The following NDC1 variants were observed in gnomAD, a reference collection of about 807,000 sequenced individuals.
The protein encoded by NDC1 is NDC1 transmembrane nucleoporin.
In NDC1, 24 loss-of-function variants were observed where a neutral mutation model predicts 89.8. That is an observed-to-expected ratio of 0.27 (90% CI 0.19 to 0.38). The LOEUF (loss-of-function observed/expected upper bound fraction) is 0.38, where lower values mean the gene tolerates loss of function less well. NDC1 is among the 10% of genes least tolerant of loss of function. NDC1 has a pLI of 1.00. For synonymous variants in NDC1, 296 were observed against 284.8 expected (o/e 1.04, Z -0.39); for missense variants, 728 against 797.6 (o/e 0.91, Z 1.05).
intron 6 of NDC1, among the ~76,000 whole-genome samples, chr1:53,811,883 C>T (rs564714040): frequency 2.6e-5 from 4 of 152,250 alleles, no homozygotes; most frequent in South Asian, 2.1e-4. Flanking sequence ...CACTGGAACA[C>T]GCACTGGTAT....
chr1:53,815,885 T>C (rs12069945), intron 6 of NDC1, among the ~76,000 whole-genome samples: 9,570 of 152,124 alleles, frequency 0.063, 893 homozygotes, highest in African/African-American at 0.2. Flanking sequence ...CTTAAGAGTA[T>C]ACCTAACCAA....
At chr1:53,786,863 A>ATTTTTTTTTTTTT (rs1647323009) in intron 16 of NDC1, among the ~76,000 whole-genome samples, 1 of 151,876 alleles carries the variant, frequency 6.6e-6, no homozygotes, top group Non-Finnish European at 1.5e-5. Context: ...TGGCCAGCTA[A>ATTTTTTTTTTTTT]TTTTTTATTT....
At chr1:53,803,349 G>A (rs1048621978) in intron 10 of NDC1, among the ~76,000 whole-genome samples, 47 of 152,092 alleles carry the variant, frequency 3.1e-4, no homozygotes, top group African/African-American at 1.1e-3. Context: ...TTACAGGGGT[G>A]AGCCACCACG....
chr1:53,800,546 CG>C, intron 11 of NDC1, 146 bp downstream of exon 11: 1 of 727,462 alleles, frequency 1.4e-6, no homozygotes, highest in East Asian at 2.7e-5. Flanking sequence ...AGGATGGTCT[CG>C]ATCTCTTGAC....
chr1:53,774,819 A>G (rs1472197451), intron 16 of NDC1, among the ~76,000 whole-genome samples: 1 of 152,160 alleles, frequency 6.6e-6, no homozygotes, highest in Non-Finnish European at 1.5e-5. Context: ...TGAGCCCAAG[A>G]GTTCAAGGTT....
intron 13 of NDC1, among the ~76,000 whole-genome samples, chr1:53,795,619 A>G (rs1039634928): frequency 1.3e-5 from 2 of 152,178 alleles, no homozygotes; most frequent in African/African-American, 2.4e-5. Flanking sequence ...CAACCAAACC[A>G]TAAGCTAATC....
intron 5 of NDC1, among the ~76,000 whole-genome samples, 181 bp from the exon 6 acceptor site, chr1:53,819,260 TTA>T (rs1648579260): frequency 6.6e-6 from 1 of 152,150 alleles, no homozygotes; most frequent in East Asian, 1.9e-4. Flanking sequence ...AAATTAATAT[TTA>T]TATTATTCAA....
At chr1:53,793,820 G>A (rs1647604224) in intron 13 of NDC1, among the ~76,000 whole-genome samples, 1 of 151,820 alleles carries the variant, frequency 6.6e-6, no homozygotes, top group Admixed American at 6.6e-5. Flanking sequence ...CAAACTCCTG[G>A]ACTCAAGCAA....
intron 4 of NDC1, among the ~76,000 whole-genome samples, chr1:53,826,419 T>A (rs946042312): frequency 6.6e-6 from 1 of 152,064 alleles, no homozygotes; most frequent in African/African-American, 2.4e-5. Context: ...CCGATACCGA[T>A]TTTTTTTCCT....
chr1:53,801,736 G>A (rs888945690), intron 10 of NDC1, among the ~76,000 whole-genome samples: 4 of 152,076 alleles, frequency 2.6e-5, no homozygotes, highest in Admixed American at 1.3e-4. Context: ...GGTACATGAG[G>A]AACTGTGTAA....
At chr1:53,814,072 G>T (rs898093053) in intron 6 of NDC1, among the ~76,000 whole-genome samples, 20 of 152,136 alleles carry the variant, frequency 1.3e-4, no homozygotes, top group African/African-American at 4.6e-4. Context: ...AAAATTTTTT[G>T]GCTGGGCGCA....
At position 53,772,442 on chromosome 1, in the gene NDC1, G is replaced by A. The variant is rs758542055; in HGVS notation, c.1848C>T (p.Pro616=). The A allele has an allele frequency of 1.2e-6, 2 of 1,613,328 alleles. No individual in the cohort carries two copies. Among genetic ancestry groups the A allele is most frequent in the Non-Finnish European group, 1.7e-6 (2 of 1,179,580 alleles). The change falls in exon 17 of 18, where the codon CCC becomes CCT. Residue 616 remains proline (P), a synonymous_variant. Coordinates refer to ENST00000371429, the MANE Select transcript of NDC1 (RefSeq NM_018087.5). ...FKLPHASSKP[P]RISGSLVDTS... is the part of the protein sequence containing the mutation. Reference sequence around the variant, plus strand: ...TGTCCACAAGGCTTCCTGAAATCCGGGGTGGTTTACTGGAAGCATGAGGAA... The same window carrying A: ...TGTCCACAAGGCTTCCTGAAATCCGAGGTGGTTTACTGGAAGCATGAGGAA...
In NDC1 at chr1:53,833,233, G is replaced by C. The variant is rs192137590; in HGVS notation, c.179-642C>G. The stretch of plus-strand genomic sequence containing the variant: ...GCTGGAGTGTAGTGGCTCAATCTTG[G>C]CTCACTGCAATCCGCCTCCTGGGTT... On this transcript the variant is annotated intron_variant, in intron 2 of 17. Transcript: ENST00000371429. Among the ~76,000 whole-genome samples, 8 of 152,042 alleles carry C rather than the reference G, an allele frequency of 5.3e-5. No individual in the cohort carries two copies. In the East Asian group the frequency reaches 1.5e-3, roughly 29 times the overall value.
At chr1:53,802,509 T>A (rs541178189) in intron 10 of NDC1, among the ~76,000 whole-genome samples, 11 of 152,164 alleles carry the variant, frequency 7.2e-5, no homozygotes, top group Admixed American at 4.6e-4. Flanking sequence ...TCAACAAAAA[T>A]TTTTAAAAAT....
intron 5 of NDC1, among the ~76,000 whole-genome samples, chr1:53,825,485 A>G (rs1648824326): frequency 1.3e-5 from 2 of 150,938 alleles, no homozygotes; most frequent in African/African-American, 4.9e-5. Context: ...AGTACTTTGC[A>G]TGAATGTCAT....
chr1:53,790,387 C>T (rs114330379), intron 14 of NDC1, among the ~76,000 whole-genome samples: 1 of 144,570 alleles, frequency 6.9e-6, no homozygotes, highest in East Asian at 2.1e-4. Context: ...CCCCAAAAAA[C>T]CAAAATAAAT....
intron 17 of NDC1, 61 bp downstream of exon 17, chr1:53,772,268 C>G: frequency 5.4e-6 from 8 of 1,472,878 alleles, no homozygotes; most frequent in Non-Finnish European, 6.6e-6. Flanking sequence ...ATTCCCATAC[C>G]TATTTCTAAG....
chr1:53,778,264 C>T (rs943876766), intron 16 of NDC1, among the ~76,000 whole-genome samples: 2,876 of 128,222 alleles, frequency 0.022, 75 homozygotes, highest in African/African-American at 0.081. Flanking sequence ...TGTATATACA[C>T]ACACACACAC....
At chr1:53,805,665 C>A (rs891207202) in intron 9 of NDC1, among the ~76,000 whole-genome samples, 3 of 152,202 alleles carry the variant, frequency 2.0e-5, no homozygotes, top group Non-Finnish European at 4.4e-5. Flanking sequence ...TCATTACCAG[C>A]AATTCATATT....
Sources: gnomAD v4.1 joint callset for allele counts (sites outside exome capture counted in the v4.1 genomes callset) on GRCh38, gnomAD v4.1.1 for gene constraint, MANE v1.5 for transcripts, NCBI Gene and HGNC (gene_info 2026-07-23, HGNC 2026-07-21) for gene names.